BCAT1: variants seen among roughly 807,000 people sequenced by gnomAD.
The protein encoded by BCAT1 is branched-chain-amino-acid aminotransferase, cytosolic.
BCAT1 carries 48 observed loss-of-function variants against 52.4 expected under a neutral mutation model. The ratio of observed to expected loss-of-function variants is 0.92; its 90% CI spans 0.73 to 1.16. The LOEUF (loss-of-function observed/expected upper bound fraction) is 1.16. Ranked by LOEUF, BCAT1 falls within the 50% of genes most tolerant of loss-of-function variation. The probability of loss-of-function intolerance (pLI) is 0.00; values close to 1 mark genes in which losing one functional copy is unlikely to be tolerated. For synonymous variants in BCAT1, 167 were observed against 161.3 expected (o/e 1.04, Z -0.27); for missense variants, 451 against 457.1 (o/e 0.99, Z 0.12).
intron 9 of BCAT1, among the ~76,000 whole-genome samples, chr12:24,830,941 C>G (rs1450844505): frequency 6.6e-6 from 1 of 152,162 alleles, no homozygotes; most frequent in African/African-American, 2.4e-5. Flanking sequence ...GAGCAAAACT[C>G]CAATCAGCTG....
At chr12:24,859,526 C>A in intron 5 of BCAT1, among the ~76,000 whole-genome samples, 1 of 144,356 alleles carries the variant, frequency 6.9e-6, no homozygotes, top group Non-Finnish European at 1.5e-5. Context: ...GAGGCTGAGG[C>A]AGGAGAATGG....
In BCAT1 at chr12:24,818,183, T is replaced by C. The variant is rs183934916; in HGVS notation, c.1120-134A>G. 1.1e-4 allele frequency: 84 copies of C among 798,982 alleles called. No homozygotes were observed. The African/African-American group carries it at 1.2e-3, about 12-fold the overall frequency. 49.5% of individuals were successfully genotyped at this position (798,982 alleles called of 1,614,324 possible). On this transcript the variant is annotated intron_variant, in intron 10 of 10. Transcript: ENST00000261192. Reference sequence around the variant, plus strand: ...TTGAACAACATTTTCACATTAAACATGTTCACATTAAAAACTGGATTAGAG... The same window carrying C: ...TTGAACAACATTTTCACATTAAACACGTTCACATTAAAAACTGGATTAGAG...
chr12:24,851,985 G>A lies in BCAT1; in HGVS notation c.511-2036C>T, dbSNP rs575422082. ...CCATATCTCATGTCAAATTGGAGGA[G>A]GGGCCCAGTGTGAGATGATAGGATC... is the stretch of plus-strand genomic sequence containing the variant. On this transcript the variant is annotated intron_variant, in intron 5 of 10. Transcript: ENST00000261192. Among the ~76,000 whole-genome samples, 5 of 152,180 alleles carry A rather than the reference G, an allele frequency of 3.3e-5. No homozygotes were observed. In the South Asian group the frequency reaches 8.3e-4, roughly 25 times the overall value.
intron 5 of BCAT1, among the ~76,000 whole-genome samples, chr12:24,876,051 T>G (rs1005911704): frequency 1.3e-5 from 2 of 151,992 alleles, no homozygotes; most frequent in Non-Finnish European, 2.9e-5. Flanking sequence ...AGTGTATTAT[T>G]TTATAATAAA....
Position 24,817,803 on chromosome 12 carries a change from T to C in BCAT1, c.*205A>G, listed in dbSNP as rs1200127135. 2 of 571,760 alleles carry C rather than the reference T, an allele frequency of 3.5e-6. No homozygotes were observed. Among genetic ancestry groups the C allele is most frequent in the Non-Finnish European group, 6.2e-6 (2 of 322,224 alleles). 35.4% of individuals were successfully genotyped at this position (571,760 alleles called of 1,614,324 possible). A position where few individuals can be genotyped will look rare whatever the true frequency, so the allele number is the denominator to read the frequency against. On this transcript the variant is annotated 3_prime_UTR_variant, in exon 11 of 11. Coordinates refer to ENST00000261192, the MANE Select transcript of BCAT1 (RefSeq NM_005504.7). ...TTCTAGGTAAGGTAAGGTAAGTTAC[T>C]ACTACCAAGTTATGAAACACCATTT...
In BCAT1 at chr12:24,812,713, T is replaced by C. The variant is rs928642163; in HGVS notation, c.*5295A>G. On this transcript the variant is annotated 3_prime_UTR_variant, in exon 11 of 11. Coordinates refer to ENST00000261192, the MANE Select transcript of BCAT1 (RefSeq NM_005504.7). ...CCCCTCCTCTATCATTCCTTTCTTC[T>C]CTACCTCCACTTATTCTTCCTCTGA... is the stretch of plus-strand genomic sequence containing the variant. 2.6e-5 allele frequency: 4 copies of C among 152,044 alleles called. No homozygotes were observed. The highest frequency in any genetic ancestry group is 2.9e-5 in the Non-Finnish European group (2 of 67,894). The allele number at this position is 152,044 out of a possible 1,614,324, so 9.4% of individuals were successfully genotyped here. A position where few individuals can be genotyped will look rare whatever the true frequency, so the allele number is the denominator to read the frequency against.
intron 6 of BCAT1, among the ~76,000 whole-genome samples, chr12:24,843,451 G>T (rs767919729): frequency 1.3e-5 from 2 of 151,984 alleles, no homozygotes; most frequent in Non-Finnish European, 2.9e-5. Context: ...GAAAATACAA[G>T]AATTAGCTGG....
At chr12:24,948,756 G>T (rs1173414855) in intron 1 of BCAT1, among the ~76,000 whole-genome samples, 171 bp downstream of exon 1, 1 of 152,188 alleles carries the variant, frequency 6.6e-6, no homozygotes, top group African/African-American at 2.4e-5. Context: ...CAGAATGCAC[G>T]GTCCCCGCAA....
chr12:24,851,627 G>T (rs1433376983), intron 5 of BCAT1, among the ~76,000 whole-genome samples: 1 of 152,180 alleles, frequency 6.6e-6, no homozygotes, highest in African/African-American at 2.4e-5. Flanking sequence ...AGAGAAATCC[G>T]TCAGCAAGCA....
chr12:24,899,830 A>G lies in BCAT1; in HGVS notation c.78+1984T>C, dbSNP rs539698615. Among the ~76,000 whole-genome samples, 8 of 136,868 alleles carry G rather than the reference A, an allele frequency of 5.8e-5. No homozygotes were observed. In the East Asian group the frequency reaches 1.8e-3, roughly 32 times the overall value. The allele number at this position is 136,868 out of a possible 152,430, so 89.8% of individuals were successfully genotyped here. A position where few individuals can be genotyped will look rare whatever the true frequency, so the allele number is the denominator to read the frequency against. ...TATTGCATGTTCTCACTCATACGTGAGAGCTAAAAAAAAAAGTTGATCTCA... is the reference window on the plus strand; with the variant it reads ...TATTGCATGTTCTCACTCATACGTGGGAGCTAAAAAAAAAAGTTGATCTCA... On this transcript the variant is annotated intron_variant, in intron 2 of 10. Transcript: ENST00000261192.
intron 1 of BCAT1, among the ~76,000 whole-genome samples, chr12:24,931,925 A>C (rs899297067): frequency 6.6e-6 from 1 of 152,214 alleles, no homozygotes; most frequent in Non-Finnish European, 1.5e-5. Flanking sequence ...CTCAGAGAGA[A>C]ACCAGCACAA....
At chr12:24,912,206 C>T (rs1204901131) in intron 1 of BCAT1, among the ~76,000 whole-genome samples, 1 of 152,122 alleles carries the variant, frequency 6.6e-6, no homozygotes, top group Admixed American at 6.6e-5. Flanking sequence ...CTAGTAAATA[C>T]ATGATAAATA....
At chr12:24,934,711 C>T (rs1943727526) in intron 1 of BCAT1, among the ~76,000 whole-genome samples, 1 of 152,086 alleles carries the variant, frequency 6.6e-6, no homozygotes, top group Admixed American at 6.5e-5. Context: ...CACCACCACG[C>T]CCAGCTAATT....
intron 4 of BCAT1, among the ~76,000 whole-genome samples, chr12:24,880,456 CA>C (rs376295325): frequency 2.3e-4 from 34 of 149,576 alleles, no homozygotes; most frequent in African/African-American, 7.4e-4. Flanking sequence ...GACTCTCTCT[CA>C]AAAAAAAAAT....
chr12:24,867,232 C>T (rs951836219), intron 5 of BCAT1, among the ~76,000 whole-genome samples: 1 of 152,060 alleles, frequency 6.6e-6, no homozygotes, highest in African/African-American at 2.4e-5. Context: ...CCTTTAAGAA[C>T]TGTAACACTT....
chr12:24,824,627 A>C (rs1180587746), intron 10 of BCAT1, among the ~76,000 whole-genome samples: 1 of 152,144 alleles, frequency 6.6e-6, no homozygotes, highest in Admixed American at 6.6e-5. Context: ...ACAATCTCCA[A>C]GAGGTAACCC....
chr12:24,858,631 G>T (rs886342095), intron 5 of BCAT1, among the ~76,000 whole-genome samples: 4 of 152,144 alleles, frequency 2.6e-5, no homozygotes, highest in African/African-American at 9.7e-5. Flanking sequence ...GGCGTCCTAG[G>T]CTCCACACCT....
chr12:24,825,084 T>C (rs1467531019), intron 10 of BCAT1, among the ~76,000 whole-genome samples: 1 of 152,074 alleles, frequency 6.6e-6, no homozygotes, highest in East Asian at 1.9e-4. Flanking sequence ...AGGATTTCAT[T>C]CTTTTTTATG....
intron 4 of BCAT1, among the ~76,000 whole-genome samples, chr12:24,880,372 A>G (rs1942457178): frequency 6.6e-6 from 1 of 152,182 alleles, no homozygotes; most frequent in African/African-American, 2.4e-5. Flanking sequence ...CACAAGAATC[A>G]CTTGAACCCC....
Sources: allele counts gnomAD v4.1 joint callset (sites outside exome capture counted in the v4.1 genomes callset), GRCh38; gene constraint gnomAD v4.1.1; transcripts MANE v1.5; gene names NCBI Gene and HGNC (gene_info 2026-07-23, HGNC 2026-07-21).